KIRREL3: variants seen among roughly 807,000 people sequenced by gnomAD.
The protein encoded by KIRREL3 is kin of IRRE-like protein 3.
KIRREL3 carries 36 observed loss-of-function variants against 89.7 expected under a neutral mutation model. That is an observed-to-expected ratio of 0.40 (90% confidence interval 0.31 to 0.53). The LOEUF is 0.53. KIRREL3 is among the 20% of genes least tolerant of loss of function. The pLI is 0.49. For synonymous variants in KIRREL3, 445 were observed against 441.4 expected (o/e 1.01, Z -0.10); for missense variants, 864 against 1,056.6 (o/e 0.82, Z 2.53).
At chr11:126,450,519 G>C (rs1166352624) in intron 7 of KIRREL3, among the ~76,000 whole-genome samples, 1 of 151,086 alleles carries the variant, frequency 6.6e-6, no homozygotes, top group African/African-American at 2.4e-5. Flanking sequence ...GTGTGTGTGT[G>C]CATCTGCGTA....
rs747314849 is a variant in KIRREL3, at chr11:126,995,287, T to G, written c.55+5168A>C. The G allele has an allele frequency of 1.1e-5, 5 of 456,054 alleles. No homozygotes were observed. The highest frequency in any genetic ancestry group is 3.2e-4 in the Middle Eastern group (1 of 3,098). The allele number at this position is 456,054 out of a possible 1,614,324, so 28.3% of individuals were successfully genotyped here. On this transcript the variant is annotated intron_variant, in intron 1 of 16. Coordinates refer to ENST00000525144, the MANE Select transcript of KIRREL3 (RefSeq NM_032531.4). The surrounding 1 kb of genome is among the most constrained non-coding windows in gnomAD (Gnocchi z 6.5). ...AATCACTCTGCTGCAAGCGCCACCATTAAAGTCAAGATCACTGTGGTGGGG... is the reference window on the plus strand; with the variant it reads ...AATCACTCTGCTGCAAGCGCCACCAGTAAAGTCAAGATCACTGTGGTGGGG...
rs1312527791 is a variant in KIRREL3 at position 126,607,280 on chromosome 11, G to A, written c.56-44368C>T. On this transcript the variant is annotated intron_variant, in intron 1 of 16. Coordinates refer to ENST00000525144, the MANE Select transcript of KIRREL3 (RefSeq NM_032531.4). This position sits in a 1 kb window ranked among gnomAD's most constrained non-coding sequence, Gnocchi z 6.6. The stretch of plus-strand genomic sequence containing the variant: ...AAAACTGCGGCCAGAGGGGCAAGGC[G>A]AGGAAGTCGCCATAACACATTTGGT... 1.3e-5 allele frequency among the ~76,000 whole-genome samples: 2 copies of A among 152,212 alleles called. No homozygotes were observed. Among genetic ancestry groups the A allele is most frequent in the Admixed American group, 6.5e-5 (1 of 15,286 alleles).
chr11:126,851,850 C>A (rs1212291580), intron 1 of KIRREL3, among the ~76,000 whole-genome samples: 1 of 152,066 alleles, frequency 6.6e-6, no homozygotes, highest in Non-Finnish European at 1.5e-5. Flanking sequence ...TCTACATGGG[C>A]AGATGGAGCA....
chr11:126,690,879 T>C (rs1946851960), intron 1 of KIRREL3, among the ~76,000 whole-genome samples: 3 of 152,216 alleles, frequency 2.0e-5, no homozygotes, highest in South Asian at 4.2e-4. Context: ...AGGAAGTGAG[T>C]TGTGCTCTTG....
At chr11:126,751,665 A>C (rs903256373) in intron 1 of KIRREL3, among the ~76,000 whole-genome samples, 11 of 151,694 alleles carry the variant, frequency 7.3e-5, no homozygotes, top group African/African-American at 2.7e-4. Flanking sequence ...ATTCTTTTTG[A>C]GGAAAAAAAA....
intron 1 of KIRREL3, among the ~76,000 whole-genome samples, chr11:126,680,802 G>A (rs1161826012): frequency 6.6e-6 from 1 of 151,358 alleles, no homozygotes; most frequent in Non-Finnish European, 1.5e-5. Context: ...ACTGATTCTA[G>A]GGGATTTAAT....
At position 126,570,115 on chromosome 11, in the gene KIRREL3, C is replaced by T. The variant is rs1046507310; in HGVS notation, c.56-7203G>A. Among the ~76,000 whole-genome samples, 8 of 152,074 alleles carry T rather than the reference C, an allele frequency of 5.3e-5. No homozygotes were observed. Among genetic ancestry groups the T allele is most frequent in the African/African-American group, 1.7e-4 (7 of 41,392 alleles). ...TGACTAGTGCCTGGCCCTGGACCTC[C>T]AGGACGAGTGATAAATGTTTAATTA... On this transcript the variant is annotated intron_variant, in intron 1 of 16. Coordinates refer to ENST00000525144, the MANE Select transcript of KIRREL3 (RefSeq NM_032531.4). This position sits in a 1 kb window ranked among gnomAD's most constrained non-coding sequence, Gnocchi z 6.1.
intron 4 of KIRREL3, among the ~76,000 whole-genome samples, chr11:126,499,989 C>T (rs1957802883): frequency 6.6e-6 from 1 of 152,186 alleles, no homozygotes; most frequent in Non-Finnish European, 1.5e-5. Flanking sequence ...TGCTTTTGCA[C>T]ATCGTAAGCA....
intron 1 of KIRREL3, among the ~76,000 whole-genome samples, chr11:126,968,402 G>A (rs531783186): frequency 1.1e-4 from 16 of 152,202 alleles, no homozygotes; most frequent in African/African-American, 1.9e-4. Context: ...GTATCAGGAC[G>A]GAGAAGAGCA....
chr11:126,836,779 T>C (rs1417107630), intron 1 of KIRREL3, among the ~76,000 whole-genome samples: 1 of 152,142 alleles, frequency 6.6e-6, no homozygotes, highest in African/African-American at 2.4e-5. Context: ...ATGGTGAGAT[T>C]TGACATAGGG....
chr11:126,915,185 A>C (rs1946989893), intron 1 of KIRREL3, among the ~76,000 whole-genome samples: 1 of 152,338 alleles, frequency 6.6e-6, no homozygotes, highest in Non-Finnish European at 1.5e-5. Context: ...TGTAAGCACC[A>C]TGTGGATATC....
intron 1 of KIRREL3, among the ~76,000 whole-genome samples, chr11:126,711,421 G>T (rs1349759879): frequency 6.6e-6 from 1 of 152,132 alleles, no homozygotes; most frequent in Non-Finnish European, 1.5e-5. Flanking sequence ...ATTAGCTGGG[G>T]GGTGGTGGCT....
chr11:126,498,841 C>T lies in KIRREL3; in HGVS notation c.433+22474G>A, dbSNP rs989735729. Among the ~76,000 whole-genome samples, 16 of 152,322 alleles carry T rather than the reference C, an allele frequency of 1.1e-4. No homozygotes were observed. The highest frequency in any genetic ancestry group is 3.6e-4 in the African/African-American group (15 of 41,568). ...ATGCCAGTTCTTCACAGGCTCAGGA[C>T]CTCGACGCACGGAAACTTCTGGATC... On this transcript the variant is annotated intron_variant, in intron 4 of 16. Coordinates refer to ENST00000525144, the MANE Select transcript of KIRREL3 (RefSeq NM_032531.4). The surrounding 1 kb of genome is among the most constrained non-coding windows in gnomAD (Gnocchi z 4.3).
chr11:126,461,499 AG>A (rs374664700), intron 6 of KIRREL3, among the ~76,000 whole-genome samples: 26 of 152,238 alleles, frequency 1.7e-4, no homozygotes, highest in African/African-American at 6.0e-4. Context: ...TCCTTGGTAC[AG>A]GGGTATGTCG....
rs1946728375 is a variant in KIRREL3, at chr11:126,687,926, G to A, written c.56-125014C>T. 6.6e-6 allele frequency among the ~76,000 whole-genome samples: 1 copy of A among 152,212 alleles called. No individual in the cohort carries two copies. The highest frequency in any genetic ancestry group is 1.5e-5 in the Non-Finnish European group (1 of 68,042). On this transcript the variant is annotated intron_variant, in intron 1 of 16. Coordinates refer to ENST00000525144, the MANE Select transcript of KIRREL3 (RefSeq NM_032531.4). This position sits in a 1 kb window ranked among gnomAD's most constrained non-coding sequence, Gnocchi z 4.6. ...CCGAAGCAGCAAAAGAAAGCATCTAGAAAAAGGAAATAAAGGGCTGTAGGT... is the reference window on the plus strand; with the variant it reads ...CCGAAGCAGCAAAAGAAAGCATCTAAAAAAAGGAAATAAAGGGCTGTAGGT...
chr11:126,831,063 T>C (rs1943588817), intron 1 of KIRREL3, among the ~76,000 whole-genome samples: 1 of 152,208 alleles, frequency 6.6e-6, no homozygotes, highest in Admixed American at 6.5e-5. Flanking sequence ...CTGCTACTTA[T>C]TAGCTCTTGG....
In KIRREL3 at chr11:126,703,811, C is replaced by T. The variant is rs567534892; in HGVS notation, c.56-140899G>A. Among the ~76,000 whole-genome samples the T allele has an allele frequency of 1.6e-4, 24 of 152,334 alleles. No homozygotes were observed. The highest frequency in any genetic ancestry group is 3.4e-4 in the Non-Finnish European group (23 of 68,024). On this transcript the variant is annotated intron_variant, in intron 1 of 16. Coordinates refer to ENST00000525144, the MANE Select transcript of KIRREL3 (RefSeq NM_032531.4). This position sits in a 1 kb window ranked among gnomAD's most constrained non-coding sequence, Gnocchi z 4.6. ...TTGCAGAATGTGGTTGGATCCTTCT[C>T]TCTTGGCTCTGTCATCCTTGCCTTG...
rs1565422701 is a variant in KIRREL3, at chr11:126,923,133, T to TCTCCTTCTCCTTCTCCTTCTC, written c.55+77321_55+77322insGAGAAGGAGAAGGAGAAGGAG. Among the ~76,000 whole-genome samples, 5 of 13,822 alleles carry TCTCCTTCTCCTTCTCCTTCTC rather than the reference T, an allele frequency of 3.6e-4. 1 individual carries two copies. The highest frequency in any genetic ancestry group is 6.6e-4 in the Non-Finnish European group (5 of 7,530). The allele number at this position is 13,822 out of a possible 152,430, so 9.1% of individuals were successfully genotyped here. ...CTCCTTCTCCTTCTCCTTCTTCTCT[T>TCTCCTTCTCCTTCTCCTTCTC]CTTCTTCTTCTTCTTCTTCTTCTTC... On this transcript the variant is annotated intron_variant, in intron 1 of 16. Transcript: ENST00000525144.
intron 1 of KIRREL3, among the ~76,000 whole-genome samples, chr11:126,864,038 G>A (rs1944838558): frequency 6.6e-6 from 1 of 152,196 alleles, no homozygotes; most frequent in East Asian, 1.9e-4. Flanking sequence ...AGTTTCCTCC[G>A]CTCCTCCCCA....
Sources: allele counts gnomAD v4.1 joint callset (sites outside exome capture counted in the v4.1 genomes callset), GRCh38; gene constraint gnomAD v4.1.1; non-coding constraint Gnocchi (gnomAD v3.1); transcripts MANE v1.5; gene names NCBI Gene and HGNC (gene_info 2026-07-23, HGNC 2026-07-21).